Variants in LAMA2 observed in about 807,000 individuals in gnomAD.
The protein encoded by LAMA2 is laminin subunit alpha-2.
A neutral mutation model predicts 364.8 loss-of-function variants in LAMA2; 269 were observed. The ratio of observed to expected loss-of-function variants is 0.74; its 90% CI spans 0.67 to 0.82. The LOEUF (loss-of-function observed/expected upper bound fraction) is 0.82. LAMA2 is among the 40% of genes least tolerant of loss of function. The pLI is 0.00. For synonymous variants in LAMA2, 1,379 were observed against 1,370.6 expected (o/e 1.01, Z -0.14); for missense variants, 3,807 against 3,873.2 (o/e 0.98, Z 0.45).
chr6:129,342,544 C>T (rs1233717759), intron 30 of LAMA2, 77 bp downstream of exon 30: 6 of 1,420,594 alleles, frequency 4.2e-6, no homozygotes, highest in Non-Finnish European at 5.7e-6. Flanking sequence ...TATGATTTGG[C>T]TATTTTTTCC....
Position 129,103,287 on chromosome 6 carries a change from T to C in LAMA2, c.639+4872T>C, listed in dbSNP as rs1278204376. ...AAATAGAAGCGAAGTTGCACATGCA[T>C]TTAATTTTTTTTATTTTGGAATTAT... On this transcript the variant is annotated intron_variant, in intron 4 of 64. Transcript: ENST00000421865. Among the ~76,000 whole-genome samples the C allele has an allele frequency of 2.6e-5, 4 of 152,346 alleles. No individual in the cohort carries two copies. The East Asian group carries it at 7.7e-4, about 29-fold the overall frequency.
chr6:129,457,618 T>A (rs532137608), intron 48 of LAMA2, among the ~76,000 whole-genome samples: 1 of 152,280 alleles, frequency 6.6e-6, no homozygotes, highest in South Asian at 2.1e-4. Flanking sequence ...TCTTCCTATA[T>A]GCTAAGTAAT....
chr6:129,473,284 C>A lies in LAMA2; in HGVS notation c.7371C>A (p.Asn2457Lys), dbSNP rs1562595934. Reference protein sequence around the residue: ...ENIATSSSGNNFGLDLKADDK... With the variant: ...ENIATSSSGNKFGLDLKADDK... ...TAGCAACTTCGTCTTCTGGAAACAA[C>A]TTTGGTCTTGACTTGAAAGCAGATG... Residue 2457 changes from asparagine (N) to lysine (K), a missense_variant, in exon 52 of 65, where the codon AAC (asparagine) becomes AAA (lysine). Asn to Lys is a moderately conservative substitution (Grantham distance 94). Coordinates refer to ENST00000421865, the MANE Select transcript of LAMA2 (RefSeq NM_000426.4). 6.2e-7 allele frequency: 1 copy of A among 1,611,960 alleles called. No homozygotes were observed. The highest frequency in any genetic ancestry group is 2.2e-5 in the East Asian group (1 of 44,742).
At chr6:129,073,869 G>A (rs1283981274) in intron 3 of LAMA2, among the ~76,000 whole-genome samples, 2 of 152,086 alleles carry the variant, frequency 1.3e-5, no homozygotes, top group Non-Finnish European at 2.9e-5. Flanking sequence ...ATGCATTCCT[G>A]TTTTATGACA....
intron 51 of LAMA2, among the ~76,000 whole-genome samples, chr6:129,468,493 T>TG (rs1290789518): frequency 4.6e-5 from 7 of 151,908 alleles, no homozygotes; most frequent in African/African-American, 1.7e-4. Context: ...TATTAATTTT[T>TG]CCTTATAAAA....
chr6:129,284,623 T>C (rs774471522), intron 18 of LAMA2, among the ~76,000 whole-genome samples: 2 of 152,118 alleles, frequency 1.3e-5, no homozygotes, highest in African/African-American at 4.8e-5. Context: ...ATAATAGAAA[T>C]GTAGGCCGTG....
At position 129,219,220 on chromosome 6, in the gene LAMA2, G is replaced by A. The variant is rs573019416; in HGVS notation, c.1782+26367G>A. Reference sequence around the variant, plus strand: ...ACATTTATGCAGCCAAAAAACACATGAAAAAATGCTCACCATCACTGGCCA... The same window carrying A: ...ACATTTATGCAGCCAAAAAACACATAAAAAAATGCTCACCATCACTGGCCA... On this transcript the variant is annotated intron_variant, in intron 12 of 64. Coordinates refer to ENST00000421865, the MANE Select transcript of LAMA2 (RefSeq NM_000426.4). 4.6e-5 allele frequency among the ~76,000 whole-genome samples: 7 copies of A among 152,202 alleles called. No individual in the cohort carries two copies. In the East Asian group the frequency reaches 1.4e-3, roughly 29 times the overall value.
intron 14 of LAMA2, among the ~76,000 whole-genome samples, chr6:129,258,101 G>A (rs1000878511): frequency 1.3e-5 from 2 of 152,090 alleles, no homozygotes; most frequent in African/African-American, 4.8e-5. Context: ...CATGTATGGA[G>A]ATGATCATCC....
rs540914685 is a variant in LAMA2 at position 128,900,245 on chromosome 6, A to G, written c.112+16888A>G. On this transcript the variant is annotated intron_variant, in intron 1 of 64. Coordinates refer to ENST00000421865, the MANE Select transcript of LAMA2 (RefSeq NM_000426.4). ...ATTCTTCTCCTTACTTTAAGAATGA[A>G]ACTAATAAAAAATAAGGCGGAGCTG... 2.0e-5 allele frequency among the ~76,000 whole-genome samples: 3 copies of G among 152,318 alleles called. No homozygotes were observed. The South Asian group carries it at 6.2e-4, about 32-fold the overall frequency.
At chr6:129,151,876 T>C (rs1727632362) in intron 7 of LAMA2, among the ~76,000 whole-genome samples, 1 of 152,048 alleles carries the variant, frequency 6.6e-6, no homozygotes, top group Non-Finnish European at 1.5e-5. Flanking sequence ...TCACTGTCTT[T>C]CTGAAGAAAA....
At chr6:129,383,659 G>A (rs1215047888) in intron 35 of LAMA2, among the ~76,000 whole-genome samples, 1 of 152,140 alleles carries the variant, frequency 6.6e-6, no homozygotes, top group East Asian at 1.9e-4. Context: ...GGTTTTTAAT[G>A]AACATCTGTT....
intron 4 of LAMA2, among the ~76,000 whole-genome samples, chr6:129,109,968 C>G (rs1238214119): frequency 1.3e-5 from 2 of 151,820 alleles, no homozygotes; most frequent in African/African-American, 4.8e-5. Flanking sequence ...CAGTTTTGAT[C>G]CAAAAAAACT....
intron 1 of LAMA2, among the ~76,000 whole-genome samples, chr6:129,017,269 T>G (rs1307812730): frequency 6.6e-6 from 1 of 152,014 alleles, no homozygotes; most frequent in Non-Finnish European, 1.5e-5. Flanking sequence ...AATTTCCACA[T>G]TTTCTTTTGT....
intron 22 of LAMA2, among the ~76,000 whole-genome samples, chr6:129,302,548 A>G (rs770100690): frequency 6.6e-6 from 1 of 152,106 alleles, no homozygotes; most frequent in Non-Finnish European, 1.5e-5. Context: ...CCCAAGAAAG[A>G]CAAGGTCCAA....
At chr6:129,336,831 T>C (rs1040571349) in intron 29 of LAMA2, among the ~76,000 whole-genome samples, 2 of 152,238 alleles carry the variant, frequency 1.3e-5, no homozygotes, top group African/African-American at 4.8e-5. Context: ...GCGTAAGCTT[T>C]GTATTTGACC....
At chr6:129,430,472 A>C (rs769150942) in intron 41 of LAMA2, among the ~76,000 whole-genome samples, 66 of 152,190 alleles carry the variant, frequency 4.3e-4, no homozygotes, top group Non-Finnish European at 8.4e-4. Flanking sequence ...TAATTTTTGA[A>C]TATACATCTG....
intron 3 of LAMA2, among the ~76,000 whole-genome samples, chr6:129,063,803 A>C (rs1246894571): frequency 6.6e-6 from 1 of 152,184 alleles, no homozygotes; most frequent in Admixed American, 6.5e-5. Flanking sequence ...TTTTAACTGG[A>C]ATTTATGTTT....
intron 1 of LAMA2, among the ~76,000 whole-genome samples, chr6:128,970,211 T>G (rs1417820088): frequency 1.3e-5 from 2 of 152,150 alleles, no homozygotes; most frequent in African/African-American, 4.8e-5. Context: ...CCACAGGTAT[T>G]TTTTTGTTTT....
At chr6:129,090,754 A>T (rs1423876040) in intron 3 of LAMA2, among the ~76,000 whole-genome samples, 1 of 152,132 alleles carries the variant, frequency 6.6e-6, no homozygotes, top group Non-Finnish European at 1.5e-5. Flanking sequence ...CACTTTATAG[A>T]TTGTGCTATG....
Sources: gnomAD v4.1 joint callset for allele counts (sites outside exome capture counted in the v4.1 genomes callset) on GRCh38, gnomAD v4.1.1 for gene constraint, MANE v1.5 for transcripts, NCBI Gene and HGNC (gene_info 2026-07-23, HGNC 2026-07-21) for gene names.